USP9X: variants seen among roughly 807,000 people sequenced by gnomAD.
The protein encoded by USP9X is ubiquitin specific peptidase 9 X-linked, also known as ubiquitin carboxyl-terminal hydrolase 9X.
A neutral mutation model predicts 190.3 loss-of-function variants in USP9X; 7 were observed. The ratio of observed to expected loss-of-function variants is 0.04; its 90% confidence interval spans 0.02 to 0.07. The LOEUF is 0.07. Among genes scored for constraint, USP9X ranks in the 10% least tolerant of loss-of-function variants. The pLI is 1.00. For synonymous variants in USP9X, 645 were observed against 659.5 expected (o/e 0.98, Z 0.34); for missense variants, 1,010 against 1,916.9 (o/e 0.53, Z 8.83).
chrX:41,119,036 G>C (rs1470543799), intron 1 of USP9X, among the ~76,000 whole-genome samples: 2 of 111,839 alleles, frequency 1.8e-5, no homozygotes, highest in African/African-American at 6.5e-5. Flanking sequence ...GTAGAACATT[G>C]ATCTGTGGAC....
intron 12 of USP9X, among the ~76,000 whole-genome samples, chrX:41,149,952 C>A (rs1428714558): frequency 1.8e-5 from 2 of 110,731 alleles, no homozygotes; most frequent in Admixed American, 1.9e-4. Flanking sequence ...GTGATCCACC[C>A]GCCTCGGCCT....
At chrX:41,143,973 CTTTGTTT>C (rs2062443556) in intron 10 of USP9X, among the ~76,000 whole-genome samples, 1 of 111,460 alleles carries the variant, frequency 9.0e-6, no homozygotes, top group Non-Finnish European at 1.9e-5. Flanking sequence ...GATTATAAAG[CTTTGTTT>C]TTTTAGTCTA....
chrX:41,201,434 C>T (rs945946358), intron 31 of USP9X, among the ~76,000 whole-genome samples, 154 bp downstream of exon 31: 3 of 111,807 alleles, frequency 2.7e-5, no homozygotes, highest in Middle Eastern at 4.6e-3. Flanking sequence ...CTCAGCTACT[C>T]AGGAAACTGA....
At chrX:41,104,724 G>T (rs966631032) in intron 1 of USP9X, among the ~76,000 whole-genome samples, 1 of 111,149 alleles carries the variant, frequency 9.0e-6, no homozygotes, top group Non-Finnish European at 1.9e-5. Context: ...TGTGTGTCTG[G>T]TACTTCACAT....
At chrX:41,125,684 A>ACACTCTCTCTCTCTCTCTCTCT in intron 2 of USP9X, among the ~76,000 whole-genome samples, 1 of 19,027 alleles carries the variant, frequency 5.3e-5, no homozygotes, top group African/African-American at 2.2e-4. Flanking sequence ...ACACACACAC[A>ACACTCTCTCTCTCTCTCTCTCT]CTCTCTCTCT....
In USP9X at chrX:41,085,711, AGCGGGGACAGAG is replaced by A. The variant is rs2061903981; in HGVS notation, c.-552_-541del. 3.4e-6 allele frequency: 1 copy of A among 294,736 alleles called. No individual in the cohort carries two copies. Among genetic ancestry groups the A allele is most frequent in the Non-Finnish European group, 5.9e-6 (1 of 169,575 alleles). The allele number at this position is 294,736 out of a possible 1,213,427, so 24.3% of individuals were successfully genotyped here. Reference sequence around the variant, plus strand: ...GCTACTTCAAAGCCACCAGGCCTGGAGCGGGGACAGAGGCGGCGACTAGGGGAAGGTGAAGCC... The same window carrying A: ...GCTACTTCAAAGCCACCAGGCCTGGAGCGGCGACTAGGGGAAGGTGAAGCC... On this transcript the variant is annotated 5_prime_UTR_variant, in exon 1 of 45. Coordinates refer to ENST00000378308, the MANE Select transcript of USP9X (RefSeq NM_001039591.3).
chrX:41,198,433 A>T, intron 29 of USP9X, 95 bp from the exon 30 acceptor site: 1 of 514,505 alleles, frequency 1.9e-6, no homozygotes, highest in Non-Finnish European at 2.8e-6. Flanking sequence ...TTAAATTCCA[A>T]TGAGTAATTT....
chrX:41,146,259 T>C (rs1047452240), intron 11 of USP9X, among the ~76,000 whole-genome samples: 4 of 112,244 alleles, frequency 3.6e-5, no homozygotes, highest in African/African-American at 9.7e-5. Context: ...GCTTAACATA[T>C]GTTTATTGAG....
At chrX:41,101,261 A>T (rs2146936343) in intron 1 of USP9X, among the ~76,000 whole-genome samples, 1 of 110,101 alleles carries the variant, frequency 9.1e-6, no homozygotes, top group East Asian at 2.8e-4. Context: ...AATCTTTAGG[A>T]TTAATTGTGC....
At chrX:41,132,749 TA>T (rs1212443594) in intron 4 of USP9X, among the ~76,000 whole-genome samples, 3 of 99,038 alleles carry the variant, frequency 3.0e-5, no homozygotes, top group African/African-American at 1.1e-4. Flanking sequence ...GTACCCAGCC[TA>T]TTTTTTTTTT....
Position 41,161,635 on chromosome X carries a change from C to CTTTTTTTTTTTTTTTTTTTTTTTT in USP9X, c.1898-1132_1898-1131insTTTTTTTTTTTTTTTTTTTTTTTT, listed in dbSNP as rs759623425. ...ACAGGCGTGAGCCATGGCGCCCTGC[C>CTTTTTTTTTTTTTTTTTTTTTTTT]TTTTTTTTTTTTTTTTTTTTTTTAA... is the stretch of plus-strand genomic sequence containing the variant. On this transcript the variant is annotated intron_variant, in intron 14 of 44. Transcript: ENST00000378308. Among the ~76,000 whole-genome samples the CTTTTTTTTTTTTTTTTTTTTTTTT allele has an allele frequency of 2.7e-4, 13 of 47,410 alleles. 2 individuals carry two copies. The highest frequency in any genetic ancestry group is 1.2e-3 in the Admixed American group (4 of 3,262). The allele number at this position is 47,410 out of a possible 115,157, so 41.2% of individuals were successfully genotyped here. A position where few individuals can be genotyped will look rare whatever the true frequency, so the allele number is the denominator to read the frequency against.
intron 11 of USP9X, among the ~76,000 whole-genome samples, chrX:41,147,784 A>G (rs1255219073): frequency 8.9e-6 from 1 of 111,938 alleles, no homozygotes; most frequent in Non-Finnish European, 1.9e-5. Context: ...TTTGACGTTA[A>G]GTTCGTTTCA....
At chrX:41,181,272 C>CT (rs769952292) in intron 21 of USP9X, among the ~76,000 whole-genome samples, 11,693 of 75,291 alleles carry the variant, frequency 0.16, 1,025 homozygotes, top group East Asian at 0.38. Context: ...TTTCTCATTT[C>CT]TTTTTTTTTT....
intron 4 of USP9X, among the ~76,000 whole-genome samples, chrX:41,134,175 C>G (rs1416548420): frequency 8.9e-6 from 1 of 112,043 alleles, no homozygotes; most frequent in Admixed American, 9.5e-5. Context: ...TCAAATAATA[C>G]TTTCTGTACA....
intron 2 of USP9X, among the ~76,000 whole-genome samples, chrX:41,125,684 A>ACACACACACACACACACACCCTCTCTCT: frequency 1.1e-4 from 2 of 19,027 alleles, no homozygotes; most frequent in East Asian, 1.9e-3. Flanking sequence ...ACACACACAC[A>ACACACACACACACACACACCCTCTCTCT]CTCTCTCTCT....
At chrX:41,205,269 CT>C in intron 31 of USP9X, 33 bp from the exon 32 acceptor site, 2 of 1,082,673 alleles carry the variant, frequency 1.8e-6, no homozygotes, top group Non-Finnish European at 1.2e-6. Flanking sequence ...TTTTATTATA[CT>C]TTAGCTCATT....
Position 41,193,279 on chromosome X carries a change from G to T in USP9X, c.3978-2972G>T, listed in dbSNP as rs957573490. On this transcript the variant is annotated intron_variant, in intron 26 of 44. Transcript: ENST00000378308. ...AGGGTTTTAAGCAGAGAAATGATGTGCTCCACCTTAACTTTGTAAGTTTAT... is the reference window on the plus strand; with the variant it reads ...AGGGTTTTAAGCAGAGAAATGATGTTCTCCACCTTAACTTTGTAAGTTTAT... Among the ~76,000 whole-genome samples, 5 of 111,632 alleles carry T rather than the reference G, an allele frequency of 4.5e-5. No individual in the cohort carries two copies. In the East Asian group the frequency reaches 1.4e-3, roughly 31 times the overall value.
chrX:41,207,015 A>T (rs1436045477), intron 32 of USP9X, among the ~76,000 whole-genome samples: 1 of 99,647 alleles, frequency 1.0e-5, no homozygotes, highest in Admixed American at 1.1e-4. Context: ...CGAACTCCTG[A>T]CCTCAGGTGA....
chrX:41,229,088 C>CA (rs1173444083), intron 41 of USP9X, 165 bp from the exon 42 acceptor site: 211 of 362,551 alleles, frequency 5.8e-4, no homozygotes, highest in African/African-American at 4.4e-3. Context: ...CAGGCCGTCT[C>CA]AAAAAAAATA....
Sources: gnomAD v4.1 joint callset for allele counts (sites outside exome capture counted in the v4.1 genomes callset) on GRCh38, gnomAD v4.1.1 for gene constraint, MANE v1.5 for transcripts, NCBI Gene and HGNC (gene_info 2026-07-23, HGNC 2026-07-21) for gene names.